The following NLRC4 variants were observed in gnomAD, a reference collection of about 807,000 sequenced individuals.
NLRC4 encodes the protein NLR family CARD domain-containing protein 4.
NLRC4 carries 63 observed loss-of-function variants against 79.9 expected under a neutral mutation model. The observed-to-expected ratio is 0.79, with a 90% CI of 0.64 to 0.97. NLRC4 has a LOEUF of 0.97. NLRC4 is among the 50% of genes least tolerant of loss of function. The pLI is 0.00. For synonymous variants in NLRC4, 461 were observed against 456.5 expected (o/e 1.01, Z -0.12); for missense variants, 1,074 against 1,215.2 (o/e 0.88, Z 1.73).
At chr2:32,225,284 C>A (rs986445303) in intron 8 of NLRC4, among the ~76,000 whole-genome samples, 106 of 152,200 alleles carry the variant, frequency 7.0e-4, no homozygotes, top group African/African-American at 2.5e-3. Context: ...CCTCCCGAGC[C>A]TCTTCAGGAA....
rs775232842 is a variant in NLRC4 at position 32,252,547 on chromosome 2, T to A, written c.134A>T (p.Lys45Met). Residue 45 changes from lysine (K) to methionine (M), a missense_variant, in exon 3 of 9, where the codon AAG becomes ATG. By Grantham distance (95) the Lys-to-Met change is moderately conservative. Coordinates refer to ENST00000402280, the MANE Select transcript of NLRC4 (RefSeq NM_001199138.2). ...CCCTCTAGCAGCATCCTGCTCCACC[T>A]TCTCGCAGCAAATGATGTTTACTTC... ...REEVNIICCE[K>M]VEQDAARGII... The A allele has an allele frequency of 1.9e-6, 3 of 1,614,218 alleles. No homozygotes were observed. The highest frequency in any genetic ancestry group is 2.5e-6 in the Non-Finnish European group (3 of 1,180,020).
chr2:32,253,472 A>C (rs1251381175), intron 2 of NLRC4, among the ~76,000 whole-genome samples: 5 of 151,900 alleles, frequency 3.3e-5, no homozygotes, highest in Non-Finnish European at 4.4e-5. Context: ...CTAACCCCAG[A>C]GTTATTGATG....
chr2:32,248,544 G>T (rs1027460090), intron 4 of NLRC4, among the ~76,000 whole-genome samples: 2 of 152,214 alleles, frequency 1.3e-5, no homozygotes, highest in African/African-American at 2.4e-5. Context: ...CCTAGGCTGG[G>T]CGTGGTGGCT....
intron 6 of NLRC4, among the ~76,000 whole-genome samples, chr2:32,237,093 A>G (rs185852831): frequency 2.0e-5 from 3 of 152,336 alleles, no homozygotes; most frequent in East Asian, 1.9e-4. Flanking sequence ...CATTAATTAT[A>G]TAATAGTACC....
intron 1 of NLRC4, among the ~76,000 whole-genome samples, chr2:32,263,715 G>A (rs1260374134): frequency 6.6e-6 from 1 of 152,316 alleles, no homozygotes; most frequent in Non-Finnish European, 1.5e-5. Context: ...TGACACCTTG[G>A]TCTTGGACTT....
At chr2:32,241,158 C>G (rs776457621) in intron 4 of NLRC4, 33 bp from the exon 5 acceptor site, 4 of 1,258,206 alleles carry the variant, frequency 3.2e-6, no homozygotes, top group Non-Finnish European at 4.6e-6. Flanking sequence ...ACTCTTTCAG[C>G]AGATATTTGC....
chr2:32,238,596 G>T (rs527241935), intron 5 of NLRC4, among the ~76,000 whole-genome samples: 1 of 152,132 alleles, frequency 6.6e-6, no homozygotes, highest in East Asian at 1.9e-4. Context: ...TACTCTTACC[G>T]TAATTCTTTA....
chr2:32,263,651 T>TGC (rs1316031973), intron 1 of NLRC4, among the ~76,000 whole-genome samples: 28 of 152,242 alleles, frequency 1.8e-4, no homozygotes, highest in Admixed American at 3.3e-4. Flanking sequence ...ACCAGGAATG[T>TGC]GCATACAGAG....
chr2:32,244,822 AAGGAGG>A (rs948469644), intron 4 of NLRC4, among the ~76,000 whole-genome samples: 2 of 146,506 alleles, frequency 1.4e-5, no homozygotes, highest in East Asian at 2.2e-4. Context: ...TACAAAAAAG[AAGGAGG>A]AGGAGGAGGA....
intron 8 of NLRC4, among the ~76,000 whole-genome samples, chr2:32,229,954 A>AG (rs1242463714): frequency 2.6e-5 from 4 of 152,164 alleles, no homozygotes; most frequent in African/African-American, 9.7e-5. Flanking sequence ...AGGAGAGGAG[A>AG]GATAGAATGA....
intron 7 of NLRC4, 85 bp from the exon 8 acceptor site, chr2:32,235,653 T>C: frequency 8.6e-7 from 1 of 1,158,570 alleles, no homozygotes. Context: ...GAATGATCTT[T>C]ATGTTTGGTG....
chr2:32,255,787 G>C (rs1217731837), intron 2 of NLRC4, among the ~76,000 whole-genome samples: 1 of 152,120 alleles, frequency 6.6e-6, no homozygotes, highest in Non-Finnish European at 1.5e-5. Flanking sequence ...GGCCGAGGCG[G>C]GTGGATCACG....
chr2:32,241,204 G>T, intron 4 of NLRC4, 79 bp from the exon 5 acceptor site: 4 of 855,260 alleles, frequency 4.7e-6, no homozygotes, highest in Non-Finnish European at 5.7e-6. Context: ...TGTCATTTTT[G>T]TTACCAATCA....
chr2:32,246,045 G>A (rs1216632151), intron 4 of NLRC4, among the ~76,000 whole-genome samples: 3 of 152,216 alleles, frequency 2.0e-5, no homozygotes, highest in Admixed American at 6.5e-5. Flanking sequence ...TTAGCCAGGT[G>A]TGGTGGTGCA....
intron 8 of NLRC4, among the ~76,000 whole-genome samples, chr2:32,229,005 A>T (rs1161401366): frequency 1.3e-5 from 2 of 151,466 alleles, no homozygotes; most frequent in Admixed American, 1.3e-4. Flanking sequence ...ACCTCAAGTG[A>T]TACACCCACC....
intron 8 of NLRC4, among the ~76,000 whole-genome samples, chr2:32,230,880 T>C (rs1321287927): frequency 6.6e-6 from 1 of 152,198 alleles, no homozygotes; most frequent in Non-Finnish European, 1.5e-5. Flanking sequence ...TTTTACATTC[T>C]AACTACCAGC....
At position 32,250,287 on chromosome 2, in the gene NLRC4, C is replaced by T. The variant is rs1205556477; in HGVS notation, c.1577G>A (p.Arg526Lys). 2 of 1,614,184 alleles carry T rather than the reference C, an allele frequency of 1.2e-6. No homozygotes were observed. The highest frequency in any genetic ancestry group is 4.5e-5 in the East Asian group (2 of 44,884). ...CAAAGATTCCTGTCTCCAGAGAGGC[C>T]TCTTGGCGATGGAAAGTCCGAGAAG... is the stretch of plus-strand genomic sequence containing the variant. The part of the protein sequence containing the change: ...GCLLGLSIAK[R>K]PLWRQESLQS... Residue 526 changes from arginine to lysine, a missense_variant, in exon 4 of 9, where the codon AGG becomes AAG. Coordinates refer to ENST00000402280, the MANE Select transcript of NLRC4 (RefSeq NM_001199138.2). This position sits in a 1 kb window ranked among gnomAD's most constrained non-coding sequence, Gnocchi z 4.9.
chr2:32,259,853 G>T (rs1252465265), intron 1 of NLRC4, among the ~76,000 whole-genome samples: 1 of 147,412 alleles, frequency 6.8e-6, no homozygotes, highest in Non-Finnish European at 1.5e-5. Context: ...CACAATGTCT[G>T]TGTAAGTCAC....
At chr2:32,264,366 AGAGGTTGCAGTGAGCC>A (rs905221750) in intron 1 of NLRC4, among the ~76,000 whole-genome samples, 1 of 150,084 alleles carries the variant, frequency 6.7e-6, no homozygotes, top group Non-Finnish European at 1.5e-5. Context: ...CCCAGGAGGC[AGAGGTTGCAGTGAGCC>A]GAGATCACGC....
Sources: allele counts gnomAD v4.1 joint callset (sites outside exome capture counted in the v4.1 genomes callset), GRCh38; gene constraint gnomAD v4.1.1; non-coding constraint Gnocchi (gnomAD v3.1); transcripts MANE v1.5; gene names NCBI Gene and HGNC (gene_info 2026-07-23, HGNC 2026-07-21).